The following POLA1 variants were observed in gnomAD, a reference collection of about 807,000 sequenced individuals.
POLA1 encodes the protein DNA polymerase alpha 1, catalytic subunit, also known as DNA polymerase alpha catalytic subunit.
In POLA1, 15 loss-of-function variants were observed where a neutral mutation model predicts 124.0. That is an observed-to-expected ratio of 0.12 (90% CI 0.08 to 0.19). The LOEUF (loss-of-function observed/expected upper bound fraction) is 0.19, where lower values mean the gene tolerates loss of function less well. POLA1 is among the 10% of genes least tolerant of loss of function. The pLI, the probability that POLA1 is intolerant of heterozygous loss-of-function variation, is 1.00. For synonymous variants in POLA1, 408 were observed against 389.4 expected (o/e 1.05, Z -0.56); for missense variants, 886 against 1,103.4 (o/e 0.80, Z 2.79).
intron 4 of POLA1, among the ~76,000 whole-genome samples, chrX:24,709,182 C>A (rs1489589993): frequency 1.1e-5 from 1 of 89,655 alleles, no homozygotes; most frequent in Non-Finnish European, 2.2e-5. Context: ...GGCGGCTGGC[C>A]GGGCAGGGGG....
chrX:24,907,167 C>T (rs373241194), intron 35 of POLA1, among the ~76,000 whole-genome samples: 9 of 110,686 alleles, frequency 8.1e-5, no homozygotes, highest in African/African-American at 2.6e-4. Flanking sequence ...TTCCAGCCTG[C>T]GCGACAGAGC....
chrX:24,742,864 C>T (rs890566541), intron 22 of POLA1, among the ~76,000 whole-genome samples: 2 of 111,330 alleles, frequency 1.8e-5, no homozygotes, highest in African/African-American at 3.3e-5. Context: ...TTTTACATCA[C>T]GAATGTTAGA....
At chrX:24,931,846 A>T (rs889783579) in intron 36 of POLA1, among the ~76,000 whole-genome samples, 1 of 112,141 alleles carries the variant, frequency 8.9e-6, no homozygotes, top group African/African-American at 3.2e-5. Flanking sequence ...ATCTGTTTCT[A>T]TCAGGTCTGT....
At chrX:24,741,883 GCA>G in intron 21 of POLA1, 117 bp from the exon 22 acceptor site, 1 of 477,656 alleles carries the variant, frequency 2.1e-6, no homozygotes, top group Non-Finnish European at 3.4e-6. Context: ...TAAAAAAAAA[GCA>G]GACCGTTATT....
chrX:24,846,874 C>A (rs948433050), intron 34 of POLA1, among the ~76,000 whole-genome samples: 1 of 111,986 alleles, frequency 8.9e-6, no homozygotes, highest in Non-Finnish European at 1.9e-5. Context: ...CTCAATTGGG[C>A]GGTGCAGGTT....
intron 26 of POLA1, among the ~76,000 whole-genome samples, chrX:24,749,861 T>C (rs10521671): frequency 2.9e-3 from 330 of 112,405 alleles, no homozygotes; most frequent in African/African-American, 9.1e-3. Context: ...TTTAGTACTA[T>C]GTGCATGGGT....
chrX:24,821,493 C>T lies in POLA1; in HGVS notation c.3471C>T (p.Ser1157=), dbSNP rs1375154570. 8.3e-7 allele frequency: 1 copy of T among 1,202,469 alleles called. No homozygotes were observed. The highest frequency in any genetic ancestry group is 3.0e-5 in the East Asian group (1 of 33,758). Residue 1157 remains serine, a synonymous_variant, in exon 31 of 37, where the codon AGC becomes AGT. Transcript: ENST00000379068. The part of the protein sequence containing the change: ...KDPQDYPDKK[S]LPHVHVALWI... ...CCCAGGATTACCCTGATAAAAAAAG[C>T]CTACCTCATGTACATGTTGCCCTCT...
chrX:24,768,829 C>T (rs1261779353), intron 26 of POLA1, among the ~76,000 whole-genome samples: 4 of 111,673 alleles, frequency 3.6e-5, no homozygotes, highest in Non-Finnish European at 7.5e-5. Context: ...TGCCCGGAAA[C>T]AGCGCTTTAT....
At chrX:24,848,576 T>TA (rs2046506539) in intron 34 of POLA1, among the ~76,000 whole-genome samples, 2 of 112,079 alleles carry the variant, frequency 1.8e-5, no homozygotes, top group African/African-American at 6.5e-5. Context: ...CCCCCAAGCA[T>TA]AATGTTGTTA....
intron 34 of POLA1, among the ~76,000 whole-genome samples, chrX:24,857,800 C>G: frequency 9.0e-6 from 1 of 111,362 alleles, no homozygotes; most frequent in Non-Finnish European, 1.9e-5. Flanking sequence ...AAAATACCAG[C>G]TTTTGTATTG....
intron 34 of POLA1, among the ~76,000 whole-genome samples, chrX:24,856,274 A>T (rs1274982087): frequency 8.9e-6 from 1 of 112,133 alleles, no homozygotes; most frequent in Non-Finnish European, 1.9e-5. Context: ...TCTTTTCGAG[A>T]ATGTCATATA....
chrX:24,925,020 T>C (rs1463238938), intron 35 of POLA1, among the ~76,000 whole-genome samples: 1 of 112,169 alleles, frequency 8.9e-6, no homozygotes, highest in East Asian at 2.8e-4. Flanking sequence ...ATGTACCTCA[T>C]GATCTCTGTC....
chrX:24,729,560 A>G (rs1930762830), intron 15 of POLA1, among the ~76,000 whole-genome samples: 2 of 112,032 alleles, frequency 1.8e-5, no homozygotes, highest in African/African-American at 6.5e-5. Flanking sequence ...TTATGCCATA[A>G]TGGTTTACAC....
chrX:24,969,249 G>A (rs1305000567), intron 36 of POLA1, among the ~76,000 whole-genome samples: 2 of 110,594 alleles, frequency 1.8e-5, no homozygotes, highest in East Asian at 5.7e-4. Flanking sequence ...CAGAAAGGGG[G>A]CCTGCATAGA....
chrX:24,968,460 G>T (rs1246606052), intron 36 of POLA1, among the ~76,000 whole-genome samples: 1 of 111,633 alleles, frequency 9.0e-6, no homozygotes, highest in Non-Finnish European at 1.9e-5. Context: ...AGCACTTTGG[G>T]AGGCCAAGGC....
At position 24,953,793 on chromosome X, in the gene POLA1, T is replaced by C. The variant is rs190810007; in HGVS notation, c.4261+23244T>C. ...CTCTGTGTATTTTCTCTAGAAATTA[T>C]GTACGGAGGTCTAGAGGAAAATGCT... On this transcript the variant is annotated intron_variant, in intron 36 of 36. Coordinates refer to ENST00000379068, the MANE Select transcript of POLA1 (RefSeq NM_001330360.2). Among the ~76,000 whole-genome samples the C allele has an allele frequency of 3.6e-5, 4 of 112,368 alleles. No homozygotes were observed. In the East Asian group the frequency reaches 1.1e-3, roughly 31 times the overall value.
chrX:24,841,262 G>A (rs917570095), intron 32 of POLA1, among the ~76,000 whole-genome samples: 5 of 112,113 alleles, frequency 4.5e-5, no homozygotes, highest in African/African-American at 9.7e-5. Context: ...GAGTTGTAAT[G>A]GCAGTGAACC....
At chrX:24,720,167 G>A (rs11573331) in intron 10 of POLA1, among the ~76,000 whole-genome samples, 1,740 of 111,654 alleles carry the variant, frequency 0.016, 19 homozygotes, top group Non-Finnish European at 0.023. Flanking sequence ...TGTCTGATTG[G>A]AATGTGCTCA....
chrX:24,986,744 A>G (rs2048485279), intron 36 of POLA1, among the ~76,000 whole-genome samples: 1 of 109,548 alleles, frequency 9.1e-6, no homozygotes, highest in Non-Finnish European at 1.9e-5. Context: ...ATATATATAT[A>G]TGTATGTATG....
Sources: gnomAD v4.1 joint callset for allele counts (sites outside exome capture counted in the v4.1 genomes callset) on GRCh38, gnomAD v4.1.1 for gene constraint, MANE v1.5 for transcripts, NCBI Gene and HGNC (gene_info 2026-07-23, HGNC 2026-07-21) for gene names.